Variants in RAPGEF6 observed in about 807,000 individuals in gnomAD.
RAPGEF6 encodes the protein Rap guanine nucleotide exchange factor 6.
RAPGEF6 carries 56 observed loss-of-function variants against 171.4 expected under a neutral mutation model. The observed-to-expected ratio is 0.33, with a 90% CI of 0.26 to 0.41. RAPGEF6 has a LOEUF of 0.41. Among genes scored for constraint, RAPGEF6 ranks in the 10% least tolerant of loss-of-function variants. The pLI is 1.00. For missense variants in RAPGEF6, 1,674 were observed against 1,921.4 expected, an observed-to-expected ratio of 0.87 and a Z score of 2.41; for synonymous variants, 692 against 650.1, an observed-to-expected ratio of 1.06 and a Z score of -0.98.
rs141222885 is a variant in RAPGEF6 at position 131,591,044 on chromosome 5, T to A, written c.281+1339A>T. 3.7e-3 allele frequency among the ~76,000 whole-genome samples: 571 copies of A among 152,336 alleles called. 4 individuals are homozygous for A. The highest frequency in any genetic ancestry group is 0.013 in the African/African-American group (541 of 41,588). ...AAATACAGTCAACTATATGTGTTATTCAACTGGTCAATTAGCACATTTCAT... is the reference window on the plus strand; with the variant it reads ...AAATACAGTCAACTATATGTGTTATACAACTGGTCAATTAGCACATTTCAT... On this transcript the variant is annotated intron_variant, in intron 4 of 27. Transcript: ENST00000509018.
intron 4 of RAPGEF6, among the ~76,000 whole-genome samples, chr5:131,564,141 T>C (rs1336467604): frequency 6.6e-6 from 1 of 152,148 alleles, no homozygotes; most frequent in African/African-American, 2.4e-5. Flanking sequence ...GTTGAAAAGC[T>C]AATAAGCGTT....
At chr5:131,474,513 C>T (rs1036236814) in intron 16 of RAPGEF6, among the ~76,000 whole-genome samples, 6 of 151,960 alleles carry the variant, frequency 3.9e-5, no homozygotes, top group African/African-American at 1.5e-4. Context: ...TTATTTTACT[C>T]AGTTTATATT....
rs560579410 is a variant in RAPGEF6, at chr5:131,510,243, T to C, written c.805+71A>G. The C allele has an allele frequency of 4.2e-5, 58 of 1,394,950 alleles. 1 individual carries two copies. In the South Asian group the frequency reaches 7.1e-4, roughly 17 times the overall value. The allele number at this position is 1,394,950 out of a possible 1,614,324, so 86.4% of individuals were successfully genotyped here. On this transcript the variant is annotated intron_variant, in intron 8 of 27. Coordinates refer to ENST00000509018, the MANE Select transcript of RAPGEF6 (RefSeq NM_016340.6). ...CACATTTATTAAGTTTTAGAATAAT[T>C]TGTTATGCAGAAATAGGTAACCATA...
intron 4 of RAPGEF6, among the ~76,000 whole-genome samples, chr5:131,575,839 A>C (rs1762573832): frequency 6.6e-6 from 1 of 152,088 alleles, no homozygotes; most frequent in Admixed American, 6.5e-5. Flanking sequence ...CTTCCTATCC[A>C]AATAACTTAA....
At chr5:131,571,077 T>A (rs574610431) in intron 4 of RAPGEF6, among the ~76,000 whole-genome samples, 11 of 151,742 alleles carry the variant, frequency 7.2e-5, no homozygotes, top group African/African-American at 2.7e-4. Flanking sequence ...CCCAAGTAGG[T>A]GGCTTGGGTA....
intron 7 of RAPGEF6, among the ~76,000 whole-genome samples, chr5:131,515,831 T>C (rs1481051797): frequency 1.3e-5 from 2 of 152,078 alleles, no homozygotes; most frequent in African/African-American, 4.8e-5. Flanking sequence ...ATCTAGAATG[T>C]GTAAGTGGGG....
chr5:131,569,641 G>A lies in RAPGEF6; in HGVS notation c.282-7594C>T, dbSNP rs145363301. Among the ~76,000 whole-genome samples the A allele has an allele frequency of 5.0e-3, 765 of 152,256 alleles. 15 individuals are homozygous for A. Among genetic ancestry groups the A allele is most frequent in the South Asian group, 4.1e-3 (20 of 4,828 alleles). On this transcript the variant is annotated intron_variant, in intron 4 of 27. Transcript: ENST00000509018. ...AACTGTAAGATGAAATAATCGTGAG[G>A]TTGAAGATTTCTTAGCTATGACACC... is the stretch of plus-strand genomic sequence containing the variant.
intron 15 of RAPGEF6, among the ~76,000 whole-genome samples, chr5:131,481,123 C>G (rs1250893217): frequency 6.6e-6 from 1 of 151,808 alleles, no homozygotes; most frequent in Non-Finnish European, 1.5e-5. Context: ...TGGGGTTTCT[C>G]CATGTTGGTC....
chr5:131,465,918 C>A (rs1754304025), intron 17 of RAPGEF6, among the ~76,000 whole-genome samples: 1 of 152,044 alleles, frequency 6.6e-6, no homozygotes, highest in Admixed American at 6.6e-5. Context: ...ACCTTCTTAG[C>A]ATTATGGACA....
At chr5:131,456,491 A>C (rs1468467332) in intron 19 of RAPGEF6, among the ~76,000 whole-genome samples, 2 of 152,130 alleles carry the variant, frequency 1.3e-5, no homozygotes, top group South Asian at 4.1e-4. Flanking sequence ...ATTCCAATAC[A>C]TCCATATTCC....
At chr5:131,442,584 G>A in intron 22 of RAPGEF6, 47 bp from the exon 23 acceptor site, 1 of 1,596,602 alleles carries the variant, frequency 6.3e-7, no homozygotes, top group Non-Finnish European at 8.5e-7. Flanking sequence ...TTTTAGGCAA[G>A]GTTATCACCA....
rs200662948 is a variant in RAPGEF6, at chr5:131,489,588, T to C, written c.1798A>G (p.Asn600Asp). The C allele has an allele frequency of 1.2e-6, 2 of 1,601,186 alleles. No individual in the cohort carries two copies. The highest frequency in any genetic ancestry group is 1.7e-5 in the Admixed American group (1 of 57,488). The change falls in exon 15 of 28, where the codon AAT (asparagine) becomes GAT (aspartate). Residue 600 changes from asparagine to aspartate, a missense_variant. Coordinates refer to ENST00000509018, the MANE Select transcript of RAPGEF6 (RefSeq NM_016340.6). Reference sequence around the variant, plus strand: ...ACAGTAAGTGCAAGATGAGTATTATTCCTCAAAATTTCAACGGCTTTCATA... The same window carrying C: ...ACAGTAAGTGCAAGATGAGTATTATCCCTCAAAATTTCAACGGCTTTCATA... ...TFMKAVEILRNNTHLALTVKT... is the reference protein window; with the variant it reads ...TFMKAVEILRDNTHLALTVKT...
At chr5:131,466,752 T>C (rs1159004900) in intron 17 of RAPGEF6, among the ~76,000 whole-genome samples, 1 of 152,200 alleles carries the variant, frequency 6.6e-6, no homozygotes, top group African/African-American at 2.4e-5. Flanking sequence ...CTTTGTAAAT[T>C]GTCCAGTCTT....
intron 4 of RAPGEF6, among the ~76,000 whole-genome samples, chr5:131,571,357 A>C (rs368309730): frequency 6.6e-6 from 1 of 152,244 alleles, no homozygotes. Context: ...AGGCATTCAG[A>C]TCAAAATAAG....
intron 5 of RAPGEF6, among the ~76,000 whole-genome samples, chr5:131,549,914 G>A (rs932452025): frequency 2.0e-5 from 3 of 152,108 alleles, no homozygotes; most frequent in African/African-American, 7.2e-5. Context: ...TCCCCTCTAT[G>A]TGTCCATGTG....
intron 27 of RAPGEF6, among the ~76,000 whole-genome samples, chr5:131,427,925 T>C (rs1751469955): frequency 6.6e-6 from 1 of 152,042 alleles, no homozygotes; most frequent in South Asian, 2.1e-4. Context: ...CTGGGCAACA[T>C]GGTAAAATGC....
intron 3 of RAPGEF6, among the ~76,000 whole-genome samples, chr5:131,602,172 AT>A (rs1764296833): frequency 6.6e-6 from 1 of 152,136 alleles, no homozygotes; most frequent in South Asian, 2.1e-4. Flanking sequence ...TCATTAGATG[AT>A]TTCATCATGC....
chr5:131,598,528 AAAGC>A (rs1764036816), intron 3 of RAPGEF6, among the ~76,000 whole-genome samples: 1 of 152,232 alleles, frequency 6.6e-6, no homozygotes, highest in African/African-American at 2.4e-5. Flanking sequence ...TGAAAAGCAA[AAAGC>A]AAGAAAAATC....
At chr5:131,596,076 C>T (rs910258120) in intron 3 of RAPGEF6, among the ~76,000 whole-genome samples, 4 of 150,842 alleles carry the variant, frequency 2.7e-5, no homozygotes, top group Non-Finnish European at 5.9e-5. Flanking sequence ...ATCGCTTGAA[C>T]ACAGGAGGCA....
Sources: allele counts gnomAD v4.1 joint callset (sites outside exome capture counted in the v4.1 genomes callset), GRCh38; gene constraint gnomAD v4.1.1; transcripts MANE v1.5; gene names NCBI Gene and HGNC (gene_info 2026-07-23, HGNC 2026-07-21).